Variants in SEC16A observed in about 807,000 individuals in gnomAD.
The protein encoded by SEC16A is SEC16 homolog A, endoplasmic reticulum export factor, also known as protein transport protein Sec16A.
SEC16A carries 110 observed loss-of-function variants against 221.9 expected under a neutral mutation model. The observed-to-expected ratio is 0.50, with a 90% confidence interval of 0.42 to 0.58. The LOEUF (loss-of-function observed/expected upper bound fraction) is 0.58. Ranked by LOEUF, SEC16A falls within the 20% of genes least tolerant of loss-of-function variation. The probability of loss-of-function intolerance (pLI) is 0.00; values close to 1 mark genes in which losing one functional copy is unlikely to be tolerated. For synonymous variants in SEC16A, 1,393 were observed against 1,257.7 expected, an observed-to-expected ratio of 1.11 and a Z score of -2.28; for missense variants, 3,165 against 3,097.8, an observed-to-expected ratio of 1.02 and a Z score of -0.52.
chr9:136,464,679 T>C, intron 8 of SEC16A, 117 bp from the exon 9 acceptor site: 1 of 920,326 alleles, frequency 1.1e-6, no homozygotes, highest in Non-Finnish European at 1.6e-6. Context: ...ACGACAGACT[T>C]CCAACTCAAA....
chr9:136,444,879 C>CAAA (rs757568383), intron 30 of SEC16A, among the ~76,000 whole-genome samples, 173 bp downstream of exon 30: 11 of 65,574 alleles, frequency 1.7e-4, no homozygotes, highest in African/African-American at 3.8e-4. Flanking sequence ...AACTCCGTCT[C>CAAA]AAAAAAAAAA....
Position 136,449,456 on chromosome 9 carries a change from G to C in SEC16A, c.6313-1295C>G, listed in dbSNP as rs1419646328. On this transcript the variant is annotated intron_variant, in intron 23 of 31. Transcript: ENST00000684901. Reference sequence around the variant, plus strand: ...GTAGAGATGGGGTTTCACCATCTTGGCCACGCTGATCGTGAACTCCTGACC... The same window carrying C: ...GTAGAGATGGGGTTTCACCATCTTGCCCACGCTGATCGTGAACTCCTGACC... Among the ~76,000 whole-genome samples the C allele has an allele frequency of 2.6e-5, 4 of 152,202 alleles. No homozygotes were observed. The East Asian group carries it at 5.8e-4, about 22-fold the overall frequency.
At chr9:136,441,953 T>C in intron 31 of SEC16A, 130 bp from the exon 32 acceptor site, 1 of 774,908 alleles carries the variant, frequency 1.3e-6, no homozygotes, top group Non-Finnish European at 2.1e-6. Flanking sequence ...GCTGAAGGCT[T>C]CGTTTTTGTT....
In SEC16A at chr9:136,451,370, TG is replaced by T; in HGVS notation, c.6197del (p.Pro2066GlnfsTer76). ...GACCCGAGTCGGCACGATCCCACCC[TG>T]GGGGGGCCTCCGAGTCTGGCACCGT... ...SRTVPDSEAP[P>X]GWDRADSGPT... On this transcript the variant is annotated frameshift_variant, in exon 23 of 32. Transcript: ENST00000684901. LOFTEE classifies it high-confidence loss of function. 2 of 1,612,354 alleles carry T rather than the reference TG, an allele frequency of 1.2e-6. No homozygotes were observed.
At chr9:136,479,961 C>T (rs1842116439) in intron 1 of SEC16A, among the ~76,000 whole-genome samples, 1 of 151,488 alleles carries the variant, frequency 6.6e-6, no homozygotes, top group Non-Finnish European at 1.5e-5. Flanking sequence ...TTGTTCAAGC[C>T]ACAACACTCC....
chr9:136,477,001 AGGGAGGGAAG>A lies in SEC16A; in HGVS notation c.605_614del (p.Pro202LeufsTer79). ...GTCCTGGCATCTGCAGACCAGGCTGAGGGAGGGAAGGGGATGCTGCTGGGGTGACCACACC... is the reference window on the plus strand; with the variant it reads ...GTCCTGGCATCTGCAGACCAGGCTGAGGGATGCTGCTGGGGTGACCACACC... On this transcript the variant is annotated frameshift_variant, in exon 3 of 32. Transcript: ENST00000684901. LOFTEE classifies it high-confidence loss of function. The A allele has an allele frequency of 6.2e-7, 1 of 1,613,360 alleles. No homozygotes were observed.
chr9:136,455,679 C>T lies in SEC16A; in HGVS notation c.5779G>A (p.Gly1927Arg). 1 of 1,594,086 alleles carries T rather than the reference C, an allele frequency of 6.3e-7. No individual in the cohort carries two copies. The highest frequency in any genetic ancestry group is 1.1e-5 in the South Asian group (1 of 87,074). Residue 1927 changes from glycine to arginine, a missense_variant, in exon 20 of 32, where the codon GGG (glycine) becomes AGG (arginine). Coordinates refer to ENST00000684901, the MANE Select transcript of SEC16A (RefSeq NM_014866.2). ...RPGLSQPGAL[G>R]IANPLLAVPA... The stretch of plus-strand genomic sequence containing the variant: ...ACCGCCAGCAGAGGGTTGGCGATCC[C>T]CAGGGCTCCTGGCTGACTGAGTCCT...
At chr9:136,449,575 A>T (rs1408430531) in intron 23 of SEC16A, among the ~76,000 whole-genome samples, 1 of 152,150 alleles carries the variant, frequency 6.6e-6, no homozygotes, top group Non-Finnish European at 1.5e-5. Flanking sequence ...GACAGGCAGG[A>T]GCTGCTGCGC....
At chr9:136,473,933 T>C (rs1841248137) in intron 3 of SEC16A, 116 bp downstream of exon 3, 2 of 1,149,694 alleles carry the variant, frequency 1.7e-6, no homozygotes, top group Non-Finnish European at 2.5e-6. Context: ...CCTGCGGGAC[T>C]GTGGGTGACC....
rs374820792 is a variant in SEC16A at position 136,467,048 on chromosome 9, T to G, written c.3838A>C (p.Arg1280=). The G allele has an allele frequency of 1.2e-6, 2 of 1,613,916 alleles. No homozygotes were observed. The highest frequency in any genetic ancestry group is 1.7e-6 in the Non-Finnish European group (2 of 1,179,832). ...TCATAGGTGCGGGGGTCCCTGACTC[T>G]AGCACTGTAGTGGTAACGATCCCAG... ...GHWDRYHYSA[R]VRDPRTYDRR... The change falls in exon 6 of 32, where the codon AGA becomes CGA. Residue 1280 remains arginine (R), a synonymous_variant. Coordinates refer to ENST00000684901, the MANE Select transcript of SEC16A (RefSeq NM_014866.2).
intron 13 of SEC16A, 57 bp downstream of exon 13, chr9:136,461,120 C>A (rs1224129947): frequency 7.2e-7 from 1 of 1,387,710 alleles, no homozygotes; most frequent in Non-Finnish European, 1.0e-6. Context: ...GCGGACGCCG[C>A]GTGCTACAGG....
At chr9:136,463,252 T>A (rs1049381568) in intron 11 of SEC16A, 120 bp from the exon 12 acceptor site, 5 of 1,423,664 alleles carry the variant, frequency 3.5e-6, no homozygotes, top group Admixed American at 3.8e-5. Flanking sequence ...CCCGAAAGGC[T>A]GGCAAGGCTG....
At position 136,475,294 on chromosome 9, in the gene SEC16A, G is replaced by A. The variant is rs774399503; in HGVS notation, c.2322C>T (p.Ser774=). The A allele has an allele frequency of 8.1e-6, 13 of 1,613,294 alleles. No homozygotes were observed. In the Admixed American group the frequency reaches 8.3e-5, roughly 10 times the overall value. ...AMSGQQSRNP[S]SAAPVQSRGG... Reference sequence around the variant, plus strand: ...CTCGGCTCTGCACCGGGGCCGCCGAGCTTGGGTTCCGTGACTGCTGCCCGG... The same window carrying A: ...CTCGGCTCTGCACCGGGGCCGCCGAACTTGGGTTCCGTGACTGCTGCCCGG... Residue 774 remains serine, a synonymous_variant, in exon 3 of 32, where the codon AGC becomes AGT. Transcript: ENST00000684901. The surrounding 1 kb of genome is among the most constrained non-coding windows in gnomAD (Gnocchi z 5.0).
intron 18 of SEC16A, 74 bp from the exon 19 acceptor site, chr9:136,456,240 G>C: frequency 9.3e-7 from 1 of 1,078,842 alleles, no homozygotes. Context: ...AAAATGCCGG[G>C]CAATGCAGCT....
chr9:136,482,761 G>A (rs112637420), intron 1 of SEC16A, among the ~76,000 whole-genome samples, 177 bp downstream of exon 1: 2,986 of 148,128 alleles, frequency 0.02, 98 homozygotes, highest in African/African-American at 0.064. Flanking sequence ...TGGCCCGGGG[G>A]CCCGGACGTC....
At chr9:136,458,521 G>A (rs923336741) in intron 17 of SEC16A, among the ~76,000 whole-genome samples, 4 of 151,728 alleles carry the variant, frequency 2.6e-5, no homozygotes, top group Non-Finnish European at 5.9e-5. Context: ...CCAGCTACTC[G>A]GGAGGCTGAG....
chr9:136,475,184 T>C lies in SEC16A; in HGVS notation c.2432A>G (p.Tyr811Cys), dbSNP rs1286796413. 1 of 1,613,822 alleles carries C rather than the reference T, an allele frequency of 6.2e-7. No individual in the cohort carries two copies. The highest frequency in any genetic ancestry group is 8.5e-7 in the Non-Finnish European group (1 of 1,179,856). The change falls in exon 3 of 32, where the codon TAT becomes TGT. Residue 811 changes from tyrosine to cysteine, a missense_variant. Tyr to Cys is a radical substitution (Grantham distance 194). Coordinates refer to ENST00000684901, the MANE Select transcript of SEC16A (RefSeq NM_014866.2). This position sits in a 1 kb window ranked among gnomAD's most constrained non-coding sequence, Gnocchi z 5.0. ...EALQSQASSG[Y>C]ASLLSSPPTE... Reference sequence around the variant, plus strand: ...GGGCGGTGAGGATAATAAACTTGCATAACCAGAACTCGCCTGGGACTGAAG... The same window carrying C: ...GGGCGGTGAGGATAATAAACTTGCACAACCAGAACTCGCCTGGGACTGAAG...
intron 9 of SEC16A, among the ~76,000 whole-genome samples, 190 bp downstream of exon 9, chr9:136,464,230 G>A (rs1206231590): frequency 1.3e-5 from 2 of 152,260 alleles, no homozygotes; most frequent in Non-Finnish European, 2.9e-5. Context: ...TTACAATACT[G>A]ACTTCTAGGA....
At position 136,475,609 on chromosome 9, in the gene SEC16A, G is replaced by A. The variant is rs748309542; in HGVS notation, c.2007C>T (p.Leu669=). 1 of 1,613,690 alleles carries A rather than the reference G, an allele frequency of 6.2e-7. No homozygotes were observed. Among genetic ancestry groups the A allele is most frequent in the Non-Finnish European group, 8.5e-7 (1 of 1,179,838 alleles). ...LEQPPDNMET[L]CAPQVCPLPL... is the part of the protein sequence containing the mutation. The stretch of plus-strand genomic sequence containing the variant: ...GCAGGGGACAGACCTGGGGTGCACA[G>A]AGGGTCTCCATGTTGTCTGGTGGCT... Residue 669 remains leucine, a synonymous_variant, in exon 3 of 32, where the codon CTC becomes CTT. Coordinates refer to ENST00000684901, the MANE Select transcript of SEC16A (RefSeq NM_014866.2). The surrounding 1 kb of genome is among the most constrained non-coding windows in gnomAD (Gnocchi z 5.0).
Sources: allele counts gnomAD v4.1 joint callset (sites outside exome capture counted in the v4.1 genomes callset), GRCh38; gene constraint gnomAD v4.1.1; non-coding constraint Gnocchi (gnomAD v3.1); transcripts MANE v1.5; gene names NCBI Gene and HGNC (gene_info 2026-07-23, HGNC 2026-07-21).